Variants in RASGRP3 observed in about 807,000 individuals in gnomAD.
RASGRP3 encodes the protein RAS guanyl releasing protein 3.
RASGRP3 carries 54 observed loss-of-function variants against 82.7 expected under a neutral mutation model. That is an observed-to-expected ratio of 0.65 (90% confidence interval 0.52 to 0.82). The LOEUF is 0.82. Ranked by LOEUF, RASGRP3 falls within the 40% of genes least tolerant of loss-of-function variation. RASGRP3 has a pLI of 0.00. For missense variants in RASGRP3, 861 were observed against 828.9 expected (o/e 1.04, Z -0.48); for synonymous variants, 309 against 300.5 (o/e 1.03, Z -0.29).
At chr2:33,444,752 C>A (rs374310783) in intron 1 of RASGRP3, among the ~76,000 whole-genome samples, 1 of 152,184 alleles carries the variant, frequency 6.6e-6, no homozygotes, top group African/African-American at 2.4e-5. Context: ...TTCACCTGGG[C>A]TGGGTAACTA....
chr2:33,449,911 T>C (rs1002381352), intron 2 of RASGRP3, among the ~76,000 whole-genome samples: 9 of 152,214 alleles, frequency 5.9e-5, no homozygotes, highest in African/African-American at 1.2e-4. Flanking sequence ...ATTCCAAAAC[T>C]AAGTGCCTTT....
At chr2:33,479,201 T>A (rs944331399) in intron 1 of RASGRP3, among the ~76,000 whole-genome samples, 5 of 152,206 alleles carry the variant, frequency 3.3e-5, no homozygotes, top group Non-Finnish European at 7.3e-5. Context: ...GGGCTAGGTT[T>A]CCCCCTGTGA....
intron 1 of RASGRP3, among the ~76,000 whole-genome samples, chr2:33,439,216 A>T (rs1396720991): frequency 1.3e-5 from 2 of 152,298 alleles, no homozygotes; most frequent in East Asian, 3.9e-4. Context: ...GAAAAACTCA[A>T]TGTTAAGTTG....
At chr2:33,520,109 A>C (rs907424355) in intron 5 of RASGRP3, 95 bp downstream of exon 5, 2 of 1,041,688 alleles carry the variant, frequency 1.9e-6, no homozygotes, top group Non-Finnish European at 2.9e-6. Context: ...GTTTGACAAC[A>C]GACTCTACTC....
At chr2:33,536,925 C>A (rs1017871486) in intron 11 of RASGRP3, among the ~76,000 whole-genome samples, 1 of 152,162 alleles carries the variant, frequency 6.6e-6, no homozygotes, top group Non-Finnish European at 1.5e-5. Flanking sequence ...ACAGTTAATG[C>A]TCTTTTAGCA....
chr2:33,522,505 G>T (rs1672134680), intron 7 of RASGRP3, among the ~76,000 whole-genome samples: 1 of 152,200 alleles, frequency 6.6e-6, no homozygotes, highest in Non-Finnish European at 1.5e-5. Flanking sequence ...GGTATAGGTT[G>T]AAAATAGGAA....
intron 6 of RASGRP3, 63 bp downstream of exon 6, chr2:33,520,747 A>T: frequency 6.3e-7 from 1 of 1,589,286 alleles, no homozygotes; most frequent in Non-Finnish European, 8.6e-7. Flanking sequence ...GGAAGTAGTG[A>T]TCACCCCACT....
intron 2 of RASGRP3, among the ~76,000 whole-genome samples, chr2:33,471,384 G>A (rs1040597684): frequency 8.7e-6 from 1 of 115,590 alleles, no homozygotes; most frequent in African/African-American, 3.4e-5. Context: ...GTCTCGCTAT[G>A]TTGCCCCTGC....
intron 13 of RASGRP3, among the ~76,000 whole-genome samples, chr2:33,547,395 A>T (rs1674903006): frequency 8.4e-6 from 1 of 119,586 alleles, no homozygotes; most frequent in Non-Finnish European, 1.6e-5. Context: ...AATAACTTTA[A>T]TAATACTTAT....
intron 1 of RASGRP3, among the ~76,000 whole-genome samples, chr2:33,483,278 A>G (rs1334645102): frequency 1.3e-5 from 2 of 152,080 alleles, no homozygotes; most frequent in African/African-American, 4.8e-5. Context: ...TTGTTGGTTC[A>G]GGTGGATCGA....
rs767397550 is a variant in RASGRP3, at chr2:33,563,086, C to CTT, written c.*350_*351dup. On this transcript the variant is annotated 3_prime_UTR_variant, in exon 18 of 18. Coordinates refer to ENST00000403687, the MANE Select transcript of RASGRP3 (RefSeq NM_001139488.2). ...TTGATACTCAGTCTGTAAACTCAGA[C>CTT]TTCGCTTTTTTTGTGAGACTATCCT... 1.5e-4 allele frequency: 42 copies of CTT among 288,072 alleles called. No individual in the cohort carries two copies. Among genetic ancestry groups the CTT allele is most frequent in the Non-Finnish European group, 2.2e-4 (34 of 157,296 alleles). 17.8% of individuals were successfully genotyped at this position (288,072 alleles called of 1,614,324 possible).
chr2:33,526,094 A>T (rs1672536947), intron 9 of RASGRP3, among the ~76,000 whole-genome samples: 1 of 152,238 alleles, frequency 6.6e-6, no homozygotes, highest in Non-Finnish European at 1.5e-5. Flanking sequence ...AGACCTTTTG[A>T]GCCAACTCAG....
At chr2:33,561,068 CTT>C (rs929955364) in intron 17 of RASGRP3, among the ~76,000 whole-genome samples, 2 of 146,438 alleles carry the variant, frequency 1.4e-5, no homozygotes, top group Non-Finnish European at 1.5e-5. Context: ...TCTTTTCTTT[CTT>C]TTTTTTTTTT....
chr2:33,560,090 C>A (rs1049182997), intron 17 of RASGRP3, among the ~76,000 whole-genome samples: 7 of 152,078 alleles, frequency 4.6e-5, no homozygotes, highest in Admixed American at 3.9e-4. Context: ...TGAAACTGAC[C>A]CATTTAAAAG....
intron 12 of RASGRP3, chr2:33,539,870 C>T (rs1265661751): frequency 3.3e-5 from 5 of 152,258 alleles, no homozygotes; most frequent in Non-Finnish European, 7.3e-5. Flanking sequence ...CGCCTGCAGT[C>T]TCAGCTACTC....
intron 1 of RASGRP3, among the ~76,000 whole-genome samples, chr2:33,443,032 G>A (rs1225547492): frequency 1.3e-5 from 2 of 152,162 alleles, no homozygotes; most frequent in Non-Finnish European, 2.9e-5. Flanking sequence ...CAGGGTCAGT[G>A]TGAACGCCTC....
At chr2:33,517,722 C>G (rs892860064) in intron 4 of RASGRP3, among the ~76,000 whole-genome samples, 4 of 152,180 alleles carry the variant, frequency 2.6e-5, no homozygotes, top group African/African-American at 7.2e-5. Flanking sequence ...AGGGCATTGA[C>G]TCAGTCTGGC....
chr2:33,552,307 T>TTCTA (rs1418039711), intron 14 of RASGRP3, among the ~76,000 whole-genome samples: 1 of 152,216 alleles, frequency 6.6e-6, no homozygotes, highest in Non-Finnish European at 1.5e-5. Flanking sequence ...TTGGGTCTAT[T>TTCTA]TCTATCTGTA....
chr2:33,546,149 C>A (rs1381378836), intron 13 of RASGRP3, among the ~76,000 whole-genome samples: 1 of 151,318 alleles, frequency 6.6e-6, no homozygotes, highest in African/African-American at 2.4e-5. Context: ...ATTGGCTGGG[C>A]GCTGTGGCCC....
Sources: gnomAD v4.1 joint callset for allele counts (sites outside exome capture counted in the v4.1 genomes callset) on GRCh38, gnomAD v4.1.1 for gene constraint, MANE v1.5 for transcripts, NCBI Gene and HGNC (gene_info 2026-07-23, HGNC 2026-07-21) for gene names.